The following ULK4 variants were observed in gnomAD, a reference collection of about 807,000 sequenced individuals.
The protein encoded by ULK4 is unc-51 like kinase 4.
ULK4 carries 133 observed loss-of-function variants against 160.6 expected under a neutral mutation model. The observed-to-expected ratio is 0.83, with a 90% confidence interval of 0.72 to 0.96. The LOEUF (loss-of-function observed/expected upper bound fraction) is 0.96, where lower values mean the gene tolerates loss of function less well. Ranked by LOEUF, ULK4 falls within the 40% of genes least tolerant of loss-of-function variation. ULK4 has a pLI of 0.00. For synonymous variants in ULK4, 534 were observed against 539.8 expected, an observed-to-expected ratio of 0.99 and a Z score of 0.15; for missense variants, 1,580 against 1,499.5, an observed-to-expected ratio of 1.05 and a Z score of -0.89.
chr3:41,893,933 C>T (rs145618080), intron 16 of ULK4, among the ~76,000 whole-genome samples: 107 of 152,188 alleles, frequency 7.0e-4, no homozygotes, highest in African/African-American at 2.4e-3. Context: ...TCAGAGAAAA[C>T]GTCGCTGGAA....
chr3:41,713,093 A>G (rs994500084), intron 25 of ULK4, among the ~76,000 whole-genome samples: 1 of 152,076 alleles, frequency 6.6e-6, no homozygotes, highest in African/African-American at 2.4e-5. Context: ...AAAAGAAAAA[A>G]AAAAGCCCTC....
chr3:41,546,765 CT>C (rs144492270), intron 32 of ULK4, among the ~76,000 whole-genome samples: 4,895 of 87,580 alleles, frequency 0.056, 380 homozygotes, highest in African/African-American at 0.16. Flanking sequence ...TCCCTAGGCC[CT>C]TAAAAAAAAA....
At chr3:41,455,373 A>T in intron 34 of ULK4, 124 bp downstream of exon 34, 1 of 840,956 alleles carries the variant, frequency 1.2e-6, no homozygotes, top group African/African-American at 1.7e-5. Context: ...AATCTTCTGA[A>T]AGTTCTTTTG....
chr3:41,705,290 C>G lies in ULK4; in HGVS notation c.2650G>C (p.Val884Leu). The change falls in exon 26 of 37, where the codon GTA becomes CTA. Residue 884 changes from valine (V) to leucine (L), a missense_variant. Val to Leu is a conservative substitution (Grantham distance 32, BLOSUM62 1). Transcript: ENST00000301831. ...YGTILSHIKS[V>L]DSGETNIDGA... Reference sequence around the variant, plus strand: ...TCTATGTTCGTTTCTCCTGAGTCTACAGATTTAATATGACTCTGAAAAAAA... The same window carrying G: ...TCTATGTTCGTTTCTCCTGAGTCTAGAGATTTAATATGACTCTGAAAAAAA... 2.5e-6 allele frequency: 4 copies of G among 1,612,108 alleles called. No homozygotes were observed. Among genetic ancestry groups the G allele is most frequent in the Non-Finnish European group, 3.4e-6 (4 of 1,179,146 alleles).
intron 32 of ULK4, among the ~76,000 whole-genome samples, chr3:41,520,874 A>G (rs940956858): frequency 6.6e-6 from 1 of 152,204 alleles, no homozygotes; most frequent in African/African-American, 2.4e-5. Flanking sequence ...AGAAATGTCT[A>G]TTCAAGATCT....
At chr3:41,538,714 G>C (rs1795319) in intron 32 of ULK4, among the ~76,000 whole-genome samples, 64,029 of 151,950 alleles carry the variant, frequency 0.42, 14,881 homozygotes, top group Non-Finnish European at 0.51. Flanking sequence ...AAATGGAGCA[G>C]GAGGTAGCTA....
At chr3:41,463,991 T>C (rs2083760074) in intron 32 of ULK4, among the ~76,000 whole-genome samples, 1 of 139,548 alleles carries the variant, frequency 7.2e-6, no homozygotes, top group African/African-American at 2.8e-5. Flanking sequence ...CAGTAGAGCA[T>C]AAATTCAGAT....
chr3:41,851,166 G>A lies in ULK4; in HGVS notation c.1657-15195C>T, dbSNP rs187738658. 3.3e-5 allele frequency among the ~76,000 whole-genome samples: 5 copies of A among 152,214 alleles called. No individual in the cohort carries two copies. In the East Asian group the frequency reaches 9.7e-4, roughly 29 times the overall value. ...CCCTGTCTTGTGCCAGTTTTCAAAGGGAATGCTTCCAGTTTTTGCCCATTC... is the reference window on the plus strand; with the variant it reads ...CCCTGTCTTGTGCCAGTTTTCAAAGAGAATGCTTCCAGTTTTTGCCCATTC... On this transcript the variant is annotated intron_variant, in intron 17 of 36. Transcript: ENST00000301831.
At chr3:41,559,992 T>C (rs991169842) in intron 32 of ULK4, among the ~76,000 whole-genome samples, 2 of 152,268 alleles carry the variant, frequency 1.3e-5, no homozygotes, top group South Asian at 2.1e-4. Context: ...AGGGTTTTTA[T>C]GGTTTTAAGT....
At chr3:41,762,221 A>T (rs1218060118) in intron 21 of ULK4, among the ~76,000 whole-genome samples, 1 of 152,102 alleles carries the variant, frequency 6.6e-6, no homozygotes, top group East Asian at 1.9e-4. Flanking sequence ...ACTTAGAAAT[A>T]CTAGATCTTA....
Position 41,537,776 on chromosome 3 carries a change from G to A in ULK4, c.3226+28249C>T, listed in dbSNP as rs1254644356. Among the ~76,000 whole-genome samples the A allele has an allele frequency of 2.6e-5, 4 of 152,126 alleles. No homozygotes were observed. The East Asian group carries it at 7.7e-4, about 29-fold the overall frequency. ...GCAGCTAGTGTTTCTTCCTTTCAAG[G>A]CTTAGGGGTTAGCAGTTTTATAAAT... On this transcript the variant is annotated intron_variant, in intron 32 of 36. Coordinates refer to ENST00000301831, the MANE Select transcript of ULK4 (RefSeq NM_017886.4).
intron 32 of ULK4, among the ~76,000 whole-genome samples, chr3:41,519,146 C>T (rs1261295349): frequency 6.6e-6 from 1 of 152,158 alleles, no homozygotes. Flanking sequence ...TTGGCCTCTA[C>T]AAAATTCAAT....
intron 17 of ULK4, among the ~76,000 whole-genome samples, chr3:41,881,224 C>A (rs1697504596): frequency 6.8e-6 from 1 of 146,330 alleles, no homozygotes; most frequent in Non-Finnish European, 1.5e-5. Flanking sequence ...TCATCTTATT[C>A]ATCTCAAATG....
At chr3:41,746,272 C>CAAAAAAAAAAAAAAAAAAAAAAAAA (rs34582395) in intron 22 of ULK4, among the ~76,000 whole-genome samples, 6 of 45,716 alleles carry the variant, frequency 1.3e-4, no homozygotes, top group African/African-American at 6.4e-4. Flanking sequence ...CTGGAACCCA[C>CAAAAAAAAAAAAAAAAAAAAAAAAA]AAAAAAAAAA....
chr3:41,423,189 A>G (rs945616696), intron 34 of ULK4, among the ~76,000 whole-genome samples: 2 of 152,322 alleles, frequency 1.3e-5, no homozygotes, highest in East Asian at 1.9e-4. Flanking sequence ...AAAAGGATGC[A>G]AGGACACATG....
At chr3:41,876,223 C>T (rs1697297362) in intron 17 of ULK4, among the ~76,000 whole-genome samples, 1 of 152,040 alleles carries the variant, frequency 6.6e-6, no homozygotes, top group African/African-American at 2.4e-5. Flanking sequence ...TTATAGAGAG[C>T]ACCAAGTTGT....
intron 17 of ULK4, chr3:41,859,484 T>A (rs945582928): frequency 4.0e-5 from 22 of 548,946 alleles, no homozygotes; most frequent in Non-Finnish European, 8.1e-5. Flanking sequence ...AATATGGTAA[T>A]GATAACTTCC....
chr3:41,259,632 C>T (rs922032181), intron 35 of ULK4, among the ~76,000 whole-genome samples: 4 of 152,204 alleles, frequency 2.6e-5, no homozygotes, highest in African/African-American at 9.7e-5. Flanking sequence ...TGACTCACAG[C>T]ATCATCCTCC....
At position 41,961,550 on chromosome 3, in the gene ULK4, A is replaced by ACCCCCCCCCCCCCCCCCC. The variant is rs201424516; in HGVS notation, c.-49+448_-49+465dup. On this transcript the variant is annotated intron_variant, in intron 1 of 36. Coordinates refer to ENST00000301831, the MANE Select transcript of ULK4 (RefSeq NM_017886.4). ...ACTCAGGGGCGCTACGTAGTCACTCACCCCCCCCCCCCCCCCCCCCGCTCC... is the reference window on the plus strand; with the variant it reads ...ACTCAGGGGCGCTACGTAGTCACTCACCCCCCCCCCCCCCCCCCCCCCCCCCCCCCCCCCCCCCGCTCC... 1.6e-4 allele frequency among the ~76,000 whole-genome samples: 20 copies of ACCCCCCCCCCCCCCCCCC among 124,714 alleles called. 1 individual carries two copies. The highest frequency in any genetic ancestry group is 4.7e-4 in the African/African-American group (11 of 23,486). The allele number at this position is 124,714 out of a possible 152,430, so 81.8% of individuals were successfully genotyped here.
Sources: allele counts gnomAD v4.1 joint callset (sites outside exome capture counted in the v4.1 genomes callset), GRCh38; gene constraint gnomAD v4.1.1; transcripts MANE v1.5; gene names NCBI Gene and HGNC (gene_info 2026-07-23, HGNC 2026-07-21).